Variants in FHIP1A observed in about 807,000 individuals in gnomAD.
FHIP1A encodes the protein FHF complex subunit HOOK-interacting protein 1A.
A neutral mutation model predicts 88.6 loss-of-function variants in FHIP1A; 61 were observed. That is an observed-to-expected ratio of 0.69 (90% CI 0.56 to 0.85). The LOEUF (loss-of-function observed/expected upper bound fraction) is 0.85, where lower values mean the gene tolerates loss of function less well. FHIP1A is among the 40% of genes least tolerant of loss of function. FHIP1A has a pLI of 0.00. For missense variants in FHIP1A, 1,154 were observed against 1,273.5 expected (o/e 0.91, Z 1.43); for synonymous variants, 478 against 496.0 (o/e 0.96, Z 0.48).
At chr4:151,531,565 A>G (rs953922978) in intron 3 of FHIP1A, among the ~76,000 whole-genome samples, 8 of 151,440 alleles carry the variant, frequency 5.3e-5, no homozygotes, top group African/African-American at 1.5e-4. Flanking sequence ...TAAAATTTTC[A>G]TATGAGACAG....
intron 8 of FHIP1A, among the ~76,000 whole-genome samples, chr4:151,637,422 A>T (rs557745514): frequency 1.3e-5 from 2 of 152,150 alleles, no homozygotes; most frequent in Non-Finnish European, 2.9e-5. Context: ...ATCTGATAAG[A>T]TACTTGTACA....
intron 3 of FHIP1A, among the ~76,000 whole-genome samples, chr4:151,548,584 A>G (rs1294528616): frequency 3.3e-5 from 5 of 152,220 alleles, no homozygotes; most frequent in Non-Finnish European, 5.9e-5. Context: ...CTACACTCCC[A>G]TCAGCACCAT....
chr4:151,518,675 C>G (rs890085096), intron 3 of FHIP1A, among the ~76,000 whole-genome samples: 4 of 128,204 alleles, frequency 3.1e-5, no homozygotes, highest in Admixed American at 8.7e-5. Flanking sequence ...TCCTTCTTTC[C>G]CTTTCCTCCC....
At chr4:151,557,528 T>C (rs182671084) in intron 3 of FHIP1A, among the ~76,000 whole-genome samples, 1 of 152,326 alleles carries the variant, frequency 6.6e-6, no homozygotes, top group East Asian at 1.9e-4. Context: ...TTCAAGTCTA[T>C]GCCAGTCACT....
At chr4:151,445,949 AATC>A (rs1469301761) in intron 1 of FHIP1A, among the ~76,000 whole-genome samples, 2 of 150,534 alleles carry the variant, frequency 1.3e-5, no homozygotes, top group Non-Finnish European at 3.0e-5. Flanking sequence ...GTAATCATAT[AATC>A]ATGAGAAAGA....
At chr4:151,652,127 A>C (rs567163528) in intron 11 of FHIP1A, among the ~76,000 whole-genome samples, 1 of 152,330 alleles carries the variant, frequency 6.6e-6, no homozygotes, top group Admixed American at 6.5e-5. Flanking sequence ...ATTCCTGGGA[A>C]ATGTGTAAAT....
chr4:151,411,362 T>TTTTTTTTTTTTA (rs1561483438), intron 1 of FHIP1A, among the ~76,000 whole-genome samples: 1 of 148,944 alleles, frequency 6.7e-6, no homozygotes, highest in South Asian at 2.1e-4. Context: ...TTTTTTTTTT[T>TTTTTTTTTTTTA]AAAGTTAGGG....
intron 7 of FHIP1A, among the ~76,000 whole-genome samples, chr4:151,609,930 G>C (rs1435526628): frequency 1.3e-5 from 2 of 152,096 alleles, no homozygotes; most frequent in Non-Finnish European, 2.9e-5. Flanking sequence ...TAAAAATGCT[G>C]TCTTAAGTAA....
intron 13 of FHIP1A, among the ~76,000 whole-genome samples, chr4:151,659,969 G>A (rs746023738): frequency 1.3e-5 from 2 of 152,322 alleles, no homozygotes; most frequent in Non-Finnish European, 2.9e-5. Context: ...AAACCACAGA[G>A]TAACAGTTCA....
chr4:151,573,281 C>CACACACACACACACAT (rs1553955325), intron 4 of FHIP1A, among the ~76,000 whole-genome samples: 34 of 152,010 alleles, frequency 2.2e-4, no homozygotes, highest in African/African-American at 8.2e-4. Context: ...AACACACACA[C>CACACACACACACACAT]ACACACACAC....
chr4:151,569,847 C>T (rs1183969994), intron 4 of FHIP1A, among the ~76,000 whole-genome samples: 1 of 152,114 alleles, frequency 6.6e-6, no homozygotes, highest in African/African-American at 2.4e-5. Context: ...TTAAATGGCC[C>T]AGTGGTGCAC....
chr4:151,493,389 T>G (rs1418403767), intron 3 of FHIP1A, among the ~76,000 whole-genome samples: 1 of 152,134 alleles, frequency 6.6e-6, no homozygotes, highest in East Asian at 1.9e-4. Flanking sequence ...CCGAATTCTA[T>G]TAGACATTCA....
rs1308014242 is a variant in FHIP1A at position 151,664,623 on chromosome 4, C to G, written c.*1869C>G. ...CTGATGTCTGGTTGTATTTGCACAG[C>G]CCACAACTCTCCATTAGAAAAGAAG... is the stretch of plus-strand genomic sequence containing the variant. On this transcript the variant is annotated 3_prime_UTR_variant, in exon 14 of 14. Coordinates refer to ENST00000435205, the MANE Select transcript of FHIP1A (RefSeq NM_001109977.3). Among the ~76,000 whole-genome samples, 1 of 152,162 alleles carries G rather than the reference C, an allele frequency of 6.6e-6. No individual in the cohort carries two copies. Among genetic ancestry groups the G allele is most frequent in the East Asian group, 1.9e-4 (1 of 5,188 alleles).
chr4:151,454,270 A>G (rs1183445787), intron 1 of FHIP1A, among the ~76,000 whole-genome samples: 1 of 152,150 alleles, frequency 6.6e-6, no homozygotes, highest in African/African-American at 2.4e-5. Flanking sequence ...GGCATATCAC[A>G]TTGGAGGCAC....
chr4:151,604,694 C>A (rs1735002327), intron 7 of FHIP1A, among the ~76,000 whole-genome samples: 1 of 151,688 alleles, frequency 6.6e-6, no homozygotes, highest in African/African-American at 2.4e-5. Context: ...ACTAAAGATA[C>A]AAAAATTAGC....
intron 2 of FHIP1A, among the ~76,000 whole-genome samples, chr4:151,456,227 T>G (rs1022353756): frequency 3.9e-5 from 6 of 152,230 alleles, no homozygotes; most frequent in African/African-American, 2.4e-5. Flanking sequence ...CGAAAGTCTA[T>G]CCATTGAAAA....
chr4:151,634,144 G>A (rs1736259143), intron 8 of FHIP1A, among the ~76,000 whole-genome samples: 1 of 151,394 alleles, frequency 6.6e-6, no homozygotes, highest in South Asian at 2.1e-4. Context: ...AATTCGAAAA[G>A]GAAATTTTAA....
intron 2 of FHIP1A, among the ~76,000 whole-genome samples, chr4:151,456,401 G>A (rs915336791): frequency 1.2e-4 from 18 of 152,174 alleles, no homozygotes; most frequent in African/African-American, 4.3e-4. Flanking sequence ...GAGCTGGAGT[G>A]CTGTGGAACT....
intron 2 of FHIP1A, among the ~76,000 whole-genome samples, chr4:151,467,855 G>A (rs1424973282): frequency 6.6e-6 from 1 of 151,998 alleles, no homozygotes; most frequent in African/African-American, 2.4e-5. Context: ...GGGAGGGAGA[G>A]CATTAGGACA....
Sources: gnomAD v4.1 joint callset for allele counts (sites outside exome capture counted in the v4.1 genomes callset) on GRCh38, gnomAD v4.1.1 for gene constraint, MANE v1.5 for transcripts, NCBI Gene and HGNC (gene_info 2026-07-23, HGNC 2026-07-21) for gene names.